Variants in HEMK2 observed in about 807,000 individuals in gnomAD.
HEMK2 encodes the protein HemK methyltransferase 2, ETF1 glutamine and histone H4 lysine.
At chr21:28,697,955 C>T in the HEMK2 span, among the ~76,000 whole-genome samples, 1 of 152,016 alleles carries the variant, frequency 6.6e-6, no homozygotes. Flanking sequence ...GATTCAGTGT[C>T]TTGTAAGGGC....
chr21:28,591,145 C>T, the HEMK2 span, among the ~76,000 whole-genome samples: 2 of 152,140 alleles, frequency 1.3e-5, no homozygotes, highest in African/African-American at 4.8e-5. Flanking sequence ...ATGTCTATAC[C>T]ATGTACTTTT....
chr21:28,771,197 A>G, the HEMK2 span, among the ~76,000 whole-genome samples: 1 of 152,220 alleles, frequency 6.6e-6, no homozygotes, highest in Admixed American at 6.5e-5. Context: ...TTTGAATCCC[A>G]GTTTGAGGTC....
chr21:28,748,408 A>G, the HEMK2 span, among the ~76,000 whole-genome samples: 1 of 152,256 alleles, frequency 6.6e-6, no homozygotes, highest in African/African-American at 2.4e-5. Context: ...CTAGATAACA[A>G]AAGTATCATA....
chr21:28,652,806 G>GA, the HEMK2 span, among the ~76,000 whole-genome samples: 1 of 152,046 alleles, frequency 6.6e-6, no homozygotes, highest in African/African-American at 2.4e-5. Context: ...GGGATGAAGT[G>GA]AAAAAATCAG....
At chr21:28,818,221 T>A in the HEMK2 span, among the ~76,000 whole-genome samples, 5 of 152,152 alleles carry the variant, frequency 3.3e-5, no homozygotes, top group African/African-American at 1.2e-4. Context: ...GGTCTCCATC[T>A]TTCTCCCGTG....
chr21:28,834,289 G>A, the HEMK2 span, among the ~76,000 whole-genome samples: 1 of 152,190 alleles, frequency 6.6e-6, no homozygotes, highest in African/African-American at 2.4e-5. Context: ...GAAGGAAGCA[G>A]ACAGCTCCTA....
At chr21:28,682,441 T>G in the HEMK2 span, among the ~76,000 whole-genome samples, 5 of 150,328 alleles carry the variant, frequency 3.3e-5, no homozygotes, top group African/African-American at 1.2e-4. Context: ...GGAACACTTT[T>G]ACACTGTTGG....
the HEMK2 span, among the ~76,000 whole-genome samples, chr21:28,816,633 A>G: frequency 6.6e-6 from 1 of 152,216 alleles, no homozygotes; most frequent in East Asian, 1.9e-4. Flanking sequence ...CTGAAATATA[A>G]GCACACCACT....
chr21:28,760,495 T>C, the HEMK2 span, among the ~76,000 whole-genome samples: 1 of 152,198 alleles, frequency 6.6e-6, no homozygotes, highest in African/African-American at 2.4e-5. Context: ...ACATTAACAC[T>C]GGAAAAGAAA....
the HEMK2 span, among the ~76,000 whole-genome samples, chr21:28,825,952 G>A: frequency 6.6e-6 from 1 of 152,346 alleles, no homozygotes; most frequent in South Asian, 2.1e-4. Context: ...ATGAGAAGAG[G>A]AGGAGCCAGC....
chr21:28,802,029 T>C, the HEMK2 span, among the ~76,000 whole-genome samples: 1 of 152,188 alleles, frequency 6.6e-6, no homozygotes, highest in Non-Finnish European at 1.5e-5. Context: ...CTTTGGAGAA[T>C]GTATCCTGTA....
the HEMK2 span, among the ~76,000 whole-genome samples, chr21:28,770,325 T>C: frequency 6.6e-6 from 1 of 152,098 alleles, no homozygotes; most frequent in African/African-American, 2.4e-5. Flanking sequence ...GGCCACCTAG[T>C]GTAATCAAGC....
At chr21:28,858,620 A>C in the HEMK2 span, among the ~76,000 whole-genome samples, 16 of 151,946 alleles carry the variant, frequency 1.1e-4, no homozygotes, top group African/African-American at 3.6e-4. Context: ...GGAAGTGGGG[A>C]AAGGAGGGAA....
At chr21:28,864,890 G>GAT in the HEMK2 span, among the ~76,000 whole-genome samples, 20 of 30,218 alleles carry the variant, frequency 6.6e-4, no homozygotes, top group African/African-American at 2.2e-3. Flanking sequence ...AGATATAGAT[G>GAT]ATAGATAGAT....
the HEMK2 span, among the ~76,000 whole-genome samples, chr21:28,660,893 T>C: frequency 6.6e-6 from 1 of 152,110 alleles, no homozygotes; most frequent in Non-Finnish European, 1.5e-5. Flanking sequence ...GAACGAAGTA[T>C]TCAAATATGA....
At chr21:28,726,254 C>T in the HEMK2 span, among the ~76,000 whole-genome samples, 1 of 151,760 alleles carries the variant, frequency 6.6e-6, no homozygotes, top group Non-Finnish European at 1.5e-5. Flanking sequence ...GGGGAATTAC[C>T]ATACTATGTT....
the HEMK2 span, among the ~76,000 whole-genome samples, chr21:28,743,883 C>T: frequency 1.3e-5 from 2 of 152,086 alleles, no homozygotes; most frequent in Admixed American, 1.3e-4. Flanking sequence ...AGCCATGGGA[C>T]ATATAGACCA....
At chr21:28,801,139 A>G in the HEMK2 span, among the ~76,000 whole-genome samples, 1 of 152,236 alleles carries the variant, frequency 6.6e-6, no homozygotes, top group Admixed American at 6.5e-5. Flanking sequence ...TCCTGAGTAC[A>G]TGAGGTATCC....
At chr21:28,776,474 C>T in the HEMK2 span, among the ~76,000 whole-genome samples, 1 of 152,144 alleles carries the variant, frequency 6.6e-6, no homozygotes, top group African/African-American at 2.4e-5. Context: ...AGGAGAAAGG[C>T]TGTGGACTGT....
Sources: allele counts gnomAD v4.1 joint callset (sites outside exome capture counted in the v4.1 genomes callset), GRCh38; gene constraint gnomAD v4.1.1; transcripts MANE v1.5; gene names NCBI Gene and HGNC (gene_info 2026-07-23, HGNC 2026-07-21).